The following ITPR1 variants were observed in gnomAD, a reference collection of about 807,000 sequenced individuals.
The protein encoded by ITPR1 is inositol 1,4,5-trisphosphate-gated calcium channel ITPR1.
ITPR1 carries 96 observed loss-of-function variants against 318.4 expected under a neutral mutation model. The ratio of observed to expected loss-of-function variants is 0.30; its 90% CI spans 0.26 to 0.36. The LOEUF (loss-of-function observed/expected upper bound fraction) is 0.36, where lower values mean the gene tolerates loss of function less well. Among genes scored for constraint, ITPR1 ranks in the 10% least tolerant of loss-of-function variants. The pLI is 1.00. For missense variants in ITPR1, 2,440 were observed against 3,460.2 expected (o/e 0.71, Z 7.40); for synonymous variants, 1,312 against 1,289.9 (o/e 1.02, Z -0.37).
intron 4 of ITPR1, among the ~76,000 whole-genome samples, chr3:4,544,978 T>C (rs1026625853): frequency 2.6e-5 from 4 of 152,030 alleles, no homozygotes. Context: ...TATTTTTTTG[T>C]ATAGATGGAG....
At chr3:4,624,086 T>C (rs567794084) in intron 4 of ITPR1, among the ~76,000 whole-genome samples, 6 of 152,194 alleles carry the variant, frequency 3.9e-5, no homozygotes, top group Non-Finnish European at 8.8e-5. Context: ...TTGTCTGTTA[T>C]CCTTTGGCAT....
chr3:4,690,274 C>CAAAT (rs1424523630), intron 31 of ITPR1, among the ~76,000 whole-genome samples: 1 of 152,042 alleles, frequency 6.6e-6, no homozygotes, highest in Non-Finnish European at 1.5e-5. Flanking sequence ...GACTGTATCT[C>CAAAT]AAATAAATAA....
chr3:4,498,628 G>A (rs900312429), intron 2 of ITPR1, among the ~76,000 whole-genome samples: 6 of 152,202 alleles, frequency 3.9e-5, no homozygotes, highest in Admixed American at 2.6e-4. Context: ...TCACATACCA[G>A]ATGGGAACTC....
chr3:4,552,992 T>C (rs947914109), intron 4 of ITPR1, among the ~76,000 whole-genome samples: 2 of 152,206 alleles, frequency 1.3e-5, no homozygotes, highest in African/African-American at 2.4e-5. Context: ...GTAGGGACTT[T>C]CTCGTTGACC....
chr3:4,575,691 T>TA (rs920062312), intron 4 of ITPR1, among the ~76,000 whole-genome samples: 2 of 150,728 alleles, frequency 1.3e-5, no homozygotes, highest in Admixed American at 1.3e-4. Context: ...AAGTAATGGC[T>TA]AAAAAAAGTT....
chr3:4,550,913 C>T (rs984546814), intron 4 of ITPR1, among the ~76,000 whole-genome samples: 6 of 151,196 alleles, frequency 4.0e-5, no homozygotes, highest in African/African-American at 1.5e-4. Context: ...AGAAAAGAAA[C>T]ACTAACTTGT....
intron 44 of ITPR1, among the ~76,000 whole-genome samples, chr3:4,746,454 G>T (rs145375588): frequency 6.6e-6 from 1 of 152,212 alleles, no homozygotes; most frequent in Non-Finnish European, 1.5e-5. Context: ...TTTGCTTCAT[G>T]TGGGACGTGC....
intron 4 of ITPR1, among the ~76,000 whole-genome samples, chr3:4,603,190 GT>G (rs79661664): frequency 0.21 from 31,882 of 151,418 alleles, 3,792 homozygotes; most frequent in South Asian, 0.38. Context: ...TTTTTATTTT[GT>G]TTTTTTTACA....
chr3:4,595,737 T>C (rs1352610717), intron 4 of ITPR1, among the ~76,000 whole-genome samples: 1 of 151,872 alleles, frequency 6.6e-6, no homozygotes, highest in Non-Finnish European at 1.5e-5. Flanking sequence ...GGGGAGGTGA[T>C]GAAGAAGGTC....
intron 4 of ITPR1, among the ~76,000 whole-genome samples, chr3:4,551,571 G>C (rs2085570587): frequency 6.6e-6 from 1 of 152,170 alleles, no homozygotes; most frequent in Non-Finnish European, 1.5e-5. Context: ...GTTGGTTCTT[G>C]CTCATGAATC....
At position 4,680,441 on chromosome 3, in the gene ITPR1, T is replaced by TA. The variant is rs2094275380; in HGVS notation, c.2968-110dup. The TA allele has an allele frequency of 1.2e-5, 11 of 905,636 alleles. No individual in the cohort carries two copies. In the South Asian group the frequency reaches 1.4e-4, roughly 12 times the overall value. The allele number at this position is 905,636 out of a possible 1,614,324, so 56.1% of individuals were successfully genotyped here. A position where few individuals can be genotyped will look rare whatever the true frequency, so the allele number is the denominator to read the frequency against. ...CCAAATACTTGGCTCACTTAGTGCT[T>TA]AAGGTAATTGATGCAGCTGATACCA... On this transcript the variant is annotated intron_variant, in intron 24 of 61. Coordinates refer to ENST00000649015, the MANE Select transcript of ITPR1 (RefSeq NM_001378452.1).
chr3:4,785,527 C>G (rs144956439), intron 51 of ITPR1, among the ~76,000 whole-genome samples: 6 of 151,834 alleles, frequency 4.0e-5, no homozygotes, highest in Non-Finnish European at 8.8e-5. Flanking sequence ...TAAAACACAT[C>G]ATTTCACTGA....
intron 44 of ITPR1, among the ~76,000 whole-genome samples, chr3:4,752,026 T>G (rs905937851): frequency 2.0e-5 from 3 of 152,156 alleles, no homozygotes. Flanking sequence ...TCTACCAATT[T>G]CCTATTCCTG....
chr3:4,804,697 A>G (rs1002865972), intron 54 of ITPR1, among the ~76,000 whole-genome samples: 1 of 152,218 alleles, frequency 6.6e-6, no homozygotes, highest in African/African-American at 2.4e-5. Context: ...TGGATCATCC[A>G]GAATCAGTGA....
intron 54 of ITPR1, among the ~76,000 whole-genome samples, chr3:4,803,949 G>T (rs569192722): frequency 6.6e-6 from 1 of 152,284 alleles, no homozygotes; most frequent in East Asian, 1.9e-4. Flanking sequence ...TCGGCTCACT[G>T]CAACCTCCGC....
At chr3:4,547,927 C>T (rs1344171509) in intron 4 of ITPR1, among the ~76,000 whole-genome samples, 1 of 152,090 alleles carries the variant, frequency 6.6e-6, no homozygotes, top group Non-Finnish European at 1.5e-5. Context: ...CAAGTTACTT[C>T]TGCATCCACT....
chr3:4,769,120 G>A (rs536336791), intron 46 of ITPR1, among the ~76,000 whole-genome samples: 91 of 151,914 alleles, frequency 6.0e-4, no homozygotes, highest in Non-Finnish European at 6.6e-4. Flanking sequence ...GGCTGGTCTC[G>A]AACTCCTGAC....
intron 4 of ITPR1, among the ~76,000 whole-genome samples, chr3:4,539,945 A>G (rs1471022792): frequency 1.3e-5 from 2 of 149,354 alleles, no homozygotes; most frequent in African/African-American, 2.5e-5. Context: ...ACCCAGTTTC[A>G]GGTATTCTGT....
chr3:4,611,893 T>C (rs2092144572), intron 4 of ITPR1, among the ~76,000 whole-genome samples: 1 of 152,166 alleles, frequency 6.6e-6, no homozygotes, highest in African/African-American at 2.4e-5. Flanking sequence ...ATCAAGAGAA[T>C]AAAAGTACAA....
Sources: gnomAD v4.1 joint callset for allele counts (sites outside exome capture counted in the v4.1 genomes callset) on GRCh38, gnomAD v4.1.1 for gene constraint, MANE v1.5 for transcripts, NCBI Gene and HGNC (gene_info 2026-07-23, HGNC 2026-07-21) for gene names.